CIRSR: variants seen among roughly 807,000 people sequenced by gnomAD.
CIRSR encodes corepressor of RBPJ and splicing regulator.
At chr2:174,349,488 C>T in the CIRSR span, among the ~76,000 whole-genome samples, 2 of 149,742 alleles carry the variant, frequency 1.3e-5, no homozygotes, top group Non-Finnish European at 3.0e-5. Flanking sequence ...TCGCTTGAAC[C>T]CGGGAGGCGG....
At chr2:174,384,353 C>T in the CIRSR span, among the ~76,000 whole-genome samples, 1 of 152,062 alleles carries the variant, frequency 6.6e-6, no homozygotes, top group Non-Finnish European at 1.5e-5. Context: ...ATGGTGGTTG[C>T]CAGGGGCTGT....
At chr2:174,387,944 G>A in the CIRSR span, among the ~76,000 whole-genome samples, 2,409 of 152,246 alleles carry the variant, frequency 0.016, 26 homozygotes, top group Non-Finnish European at 0.024. Flanking sequence ...AGTGGAAGAA[G>A]AAGAATTGTC....
chr2:174,386,515 A>G, the CIRSR span, among the ~76,000 whole-genome samples: 7 of 151,602 alleles, frequency 4.6e-5, no homozygotes, highest in Admixed American at 1.3e-4. Flanking sequence ...TGCTATTGAC[A>G]TTTTGAACTA....
the CIRSR span, among the ~76,000 whole-genome samples, chr2:174,384,542 A>C: frequency 4.4e-3 from 673 of 152,346 alleles, 7 homozygotes; most frequent in African/African-American, 0.015. Context: ...AAAAACCCAC[A>C]GACAAACCAT....
At chr2:174,380,217 C>CA in the CIRSR span, 1 of 1,598,136 alleles carries the variant, frequency 6.3e-7, no homozygotes, top group Non-Finnish European at 8.5e-7. Flanking sequence ...TACCAAAGGG[C>CA]TGATCTCTGA....
chr2:174,355,441 C>T, the CIRSR span, among the ~76,000 whole-genome samples: 1 of 152,166 alleles, frequency 6.6e-6, no homozygotes, highest in Non-Finnish European at 1.5e-5. Context: ...GCCAAGCCTT[C>T]ACAGCATTGA....
chr2:174,392,757 G>C, the CIRSR span, among the ~76,000 whole-genome samples: 2 of 152,224 alleles, frequency 1.3e-5, no homozygotes, highest in African/African-American at 4.8e-5. Flanking sequence ...GAGATAGCAA[G>C]TATAAAAAGG....
chr2:174,361,648 AAGG>A, the CIRSR span, among the ~76,000 whole-genome samples: 1 of 152,192 alleles, frequency 6.6e-6, no homozygotes, highest in Non-Finnish European at 1.5e-5. Flanking sequence ...AAAATTAGGC[AAGG>A]AGAAGAACAC....
chr2:174,391,086 A>C, the CIRSR span, among the ~76,000 whole-genome samples: 1 of 152,242 alleles, frequency 6.6e-6, no homozygotes, highest in African/African-American at 2.4e-5. Flanking sequence ...GGACTATACC[A>C]TAATTTATAA....
At chr2:174,370,782 G>A in the CIRSR span, among the ~76,000 whole-genome samples, 1 of 152,018 alleles carries the variant, frequency 6.6e-6, no homozygotes, top group Non-Finnish European at 1.5e-5. Flanking sequence ...GTGGTGGCAG[G>A]CGCCTGTAGT....
chr2:174,379,236 T>C, the CIRSR span, among the ~76,000 whole-genome samples: 13 of 152,210 alleles, frequency 8.5e-5, no homozygotes, highest in African/African-American at 2.9e-4. Flanking sequence ...GAAACTAAGC[T>C]GAATCCCATT....
chr2:174,381,993 TTAC>T, the CIRSR span, among the ~76,000 whole-genome samples: 2 of 152,192 alleles, frequency 1.3e-5, no homozygotes, highest in African/African-American at 4.8e-5. Flanking sequence ...TGAGACTTTC[TTAC>T]TACCTGAGAG....
the CIRSR span, among the ~76,000 whole-genome samples, chr2:174,361,091 G>A: frequency 4.6e-5 from 7 of 151,268 alleles, no homozygotes; most frequent in Admixed American, 1.3e-4. Context: ...GATCAACTAC[G>A]ATCAACTATA....
At chr2:174,362,120 A>G in the CIRSR span, among the ~76,000 whole-genome samples, 2 of 152,128 alleles carry the variant, frequency 1.3e-5, no homozygotes, top group Non-Finnish European at 2.9e-5. Flanking sequence ...CAACATAGTG[A>G]GAGCCTGTAA....
chr2:174,367,633 T>C, the CIRSR span, among the ~76,000 whole-genome samples: 8 of 151,200 alleles, frequency 5.3e-5, no homozygotes, highest in Non-Finnish European at 1.2e-4. Flanking sequence ...TCCTAGTTAC[T>C]TAGGAGGCTA....
At chr2:174,371,695 T>G in the CIRSR span, among the ~76,000 whole-genome samples, 1 of 152,232 alleles carries the variant, frequency 6.6e-6, no homozygotes, top group East Asian at 1.9e-4. Context: ...AGCTGGAACA[T>G]TCTAACAGCA....
chr2:174,383,719 CA>C, the CIRSR span, among the ~76,000 whole-genome samples: 34,396 of 83,200 alleles, frequency 0.41, 3,725 homozygotes, highest in East Asian at 0.57. Context: ...GACTCCGTCT[CA>C]AAAAAAAAAA....
the CIRSR span, among the ~76,000 whole-genome samples, chr2:174,388,235 A>G: frequency 6.6e-6 from 1 of 152,216 alleles, no homozygotes; most frequent in Non-Finnish European, 1.5e-5. Context: ...AAGTCTGGCT[A>G]TCACCCAGAC....
chr2:174,374,710 C>T, the CIRSR span, among the ~76,000 whole-genome samples: 1 of 152,218 alleles, frequency 6.6e-6, no homozygotes, highest in Admixed American at 6.5e-5. Context: ...GCTCCTCAGT[C>T]TGTGTGCTTA....
Sources: allele counts gnomAD v4.1 joint callset (sites outside exome capture counted in the v4.1 genomes callset), GRCh38; gene constraint gnomAD v4.1.1; transcripts MANE v1.5; gene names NCBI Gene and HGNC (gene_info 2026-07-23, HGNC 2026-07-21).